The following GRIP1 variants were observed in gnomAD, a reference collection of about 807,000 sequenced individuals.
GRIP1 encodes the protein glutamate receptor interacting protein 1, also known as glutamate receptor-interacting protein 1.
Under a neutral mutation model 129.9 loss-of-function variants are expected in GRIP1, and 45 were observed. The observed-to-expected ratio is 0.35, with a 90% CI of 0.27 to 0.44. The LOEUF is 0.44. GRIP1 is among the 20% of genes least tolerant of loss of function. The pLI is 1.00. For missense variants in GRIP1, 1,196 were observed against 1,396.8 expected, an observed-to-expected ratio of 0.86 and a Z score of 2.29; for synonymous variants, 530 against 520.8, an observed-to-expected ratio of 1.02 and a Z score of -0.24.
At chr12:66,767,899 T>C (rs2037696176) in intron 1 of GRIP1, among the ~76,000 whole-genome samples, 1 of 152,216 alleles carries the variant, frequency 6.6e-6, no homozygotes, top group South Asian at 2.1e-4. Flanking sequence ...ACAACTCATT[T>C]GTAAGGTGCC....
intron 14 of GRIP1, among the ~76,000 whole-genome samples, chr12:66,421,985 A>G (rs2057817843): frequency 1.3e-5 from 2 of 152,194 alleles, no homozygotes; most frequent in Admixed American, 1.3e-4. Context: ...CATTTGTGAA[A>G]AACAATTTGC....
chr12:66,646,149 T>C (rs2032346926), intron 1 of GRIP1, among the ~76,000 whole-genome samples: 2 of 152,238 alleles, frequency 1.3e-5, no homozygotes, highest in Non-Finnish European at 2.9e-5. Flanking sequence ...TAAGTAGGAA[T>C]GGATAATAAT....
chr12:67,050,841 A>G (rs975240587), intron 1 of GRIP1, among the ~76,000 whole-genome samples: 6 of 152,146 alleles, frequency 3.9e-5, no homozygotes, highest in Admixed American at 2.0e-4. Context: ...GGCACAATGA[A>G]CTTTCATATA....
chr12:66,685,645 C>T (rs1005823658), intron 1 of GRIP1, among the ~76,000 whole-genome samples: 1 of 152,162 alleles, frequency 6.6e-6, no homozygotes, highest in African/African-American at 2.4e-5. Flanking sequence ...CCAACCCCAA[C>T]CATAAGGAGC....
chr12:66,937,687 G>A (rs1032712755), intron 1 of GRIP1, among the ~76,000 whole-genome samples: 2 of 152,142 alleles, frequency 1.3e-5, no homozygotes, highest in Non-Finnish European at 2.9e-5. Flanking sequence ...ATGATATTAT[G>A]GTGATAGGTA....
intron 4 of GRIP1, among the ~76,000 whole-genome samples, chr12:66,533,880 TAC>T (rs747153857): frequency 1.6e-5 from 2 of 128,658 alleles, no homozygotes; most frequent in Non-Finnish European, 3.5e-5. Context: ...CACACACACA[TAC>T]ACACACTCTC....
intron 1 of GRIP1, among the ~76,000 whole-genome samples, chr12:67,032,915 C>T (rs1390708328): frequency 6.6e-6 from 1 of 152,058 alleles, no homozygotes; most frequent in Non-Finnish European, 1.5e-5. Context: ...ATCATTTTAA[C>T]AGGTAACCAA....
At chr12:67,030,905 T>C (rs980625244) in intron 1 of GRIP1, among the ~76,000 whole-genome samples, 5 of 152,146 alleles carry the variant, frequency 3.3e-5, no homozygotes, top group Non-Finnish European at 5.9e-5. Context: ...AATTTCTTCC[T>C]GTCATTTTTT....
At position 66,996,026 on chromosome 12, in the gene GRIP1, C is replaced by T. The variant is rs533729913; in HGVS notation, c.58+73024G>A. 5.9e-5 allele frequency among the ~76,000 whole-genome samples: 9 copies of T among 151,964 alleles called. No individual in the cohort carries two copies. In the South Asian group the frequency reaches 1.9e-3, roughly 32 times the overall value. The stretch of plus-strand genomic sequence containing the variant: ...AAAAATGAAATAACACTAAGTGAAA[C>T]AAGCCAGTTAAAAAAGACCACATAT... On this transcript the variant is annotated intron_variant, in intron 1 of 1. Coordinates refer to the GRIP1 transcript ENST00000643019.
Position 66,371,708 on chromosome 12 carries a change from C to A in GRIP1, c.2998G>T (p.Val1000Leu). ...EIKEIMSPTP[V>L]ELHKVTLYKD... is the part of the protein sequence containing the mutation. ...AGCTTACTGACCTTGTGCAGCTCCACAGGAGTTGGAGACATGATCTCCTTT... is the reference window on the plus strand; with the variant it reads ...AGCTTACTGACCTTGTGCAGCTCCAAAGGAGTTGGAGACATGATCTCCTTT... Residue 1000 changes from valine to leucine, a missense_variant, in exon 23 of 25, where the codon GTG becomes TTG. By Grantham distance (32) the Val-to-Leu change is conservative (BLOSUM62 1). This residue lies in a region of GRIP1 where 427 missense variants were observed against 463.3 expected (regional missense o/e 0.92). Coordinates refer to ENST00000359742, the MANE Select transcript of GRIP1 (RefSeq NM_001366722.1). 1 of 1,605,444 alleles carries A rather than the reference C, an allele frequency of 6.2e-7. No individual in the cohort carries two copies. Among genetic ancestry groups the A allele is most frequent in the Non-Finnish European group, 8.5e-7 (1 of 1,172,050 alleles).
intron 1 of GRIP1, among the ~76,000 whole-genome samples, chr12:66,882,005 T>C (rs1180458084): frequency 6.6e-6 from 1 of 152,128 alleles, no homozygotes; most frequent in Non-Finnish European, 1.5e-5. Context: ...GATTTCACTT[T>C]TTCCTATCCC....
intron 7 of GRIP1, among the ~76,000 whole-genome samples, chr12:66,476,347 C>T (rs964947241): frequency 6.6e-6 from 1 of 152,154 alleles, no homozygotes; most frequent in Non-Finnish European, 1.5e-5. Flanking sequence ...AGACCAATAA[C>T]AGGCTCTGAA....
At chr12:66,863,540 T>C (rs970402272) in intron 1 of GRIP1, among the ~76,000 whole-genome samples, 5 of 151,986 alleles carry the variant, frequency 3.3e-5, no homozygotes, top group Admixed American at 6.6e-5. Flanking sequence ...TGCATTTATA[T>C]GGAGGAAGTG....
At chr12:66,433,655 C>T (rs1159917268) in intron 13 of GRIP1, among the ~76,000 whole-genome samples, 2 of 152,140 alleles carry the variant, frequency 1.3e-5, no homozygotes, top group Non-Finnish European at 2.9e-5. Flanking sequence ...GTCAGAAAGA[C>T]CTTTAATTAA....
In GRIP1 at chr12:66,348,117, A is replaced by G. The variant is rs1415808487; in HGVS notation, c.*902T>C. 1 of 152,210 alleles carries G rather than the reference A, an allele frequency of 6.6e-6. No individual in the cohort carries two copies. Among genetic ancestry groups the G allele is most frequent in the Non-Finnish European group, 1.5e-5 (1 of 68,034 alleles). 9.4% of individuals were successfully genotyped at this position (152,210 alleles called of 1,614,324 possible). On this transcript the variant is annotated 3_prime_UTR_variant, in exon 25 of 25. Transcript: ENST00000359742. ...AAAAGATAGTCCAGTGTCATTTTTAAGTACATGTGCTGTACACCCTCAATA... is the reference window on the plus strand; with the variant it reads ...AAAAGATAGTCCAGTGTCATTTTTAGGTACATGTGCTGTACACCCTCAATA...
At chr12:66,573,019 T>G (rs533865107) in intron 2 of GRIP1, among the ~76,000 whole-genome samples, 1 of 152,128 alleles carries the variant, frequency 6.6e-6, no homozygotes, top group African/African-American at 2.4e-5. Flanking sequence ...AGCTTCCAGA[T>G]GCATGTTGTT....
intron 1 of GRIP1, among the ~76,000 whole-genome samples, chr12:66,816,131 G>A (rs1167130740): frequency 2.0e-5 from 3 of 151,900 alleles, no homozygotes; most frequent in Admixed American, 6.6e-5. Flanking sequence ...AGATGTCATT[G>A]TCTTTTGGTC....
At chr12:66,639,654 C>T (rs2031746832) in intron 1 of GRIP1, among the ~76,000 whole-genome samples, 2 of 152,158 alleles carry the variant, frequency 1.3e-5, no homozygotes, top group Non-Finnish European at 2.9e-5. Flanking sequence ...TAAAATGTCC[C>T]TTTGAACTAT....
At position 66,595,127 on chromosome 12, in the gene GRIP1, A is replaced by C. The variant is rs190315123; in HGVS notation, c.136+1720T>G. 2.0e-5 allele frequency among the ~76,000 whole-genome samples: 3 copies of C among 152,344 alleles called. No homozygotes were observed. The East Asian group carries it at 5.8e-4, about 29-fold the overall frequency. On this transcript the variant is annotated intron_variant, in intron 2 of 24. Coordinates refer to ENST00000359742, the MANE Select transcript of GRIP1 (RefSeq NM_001366722.1). ...GGCCCCTACCTTAAGAGAGATGAAC[A>C]AAAAGGGTTCTATCAATGGTCAAGC...
Sources: gnomAD v4.1 joint callset for allele counts (sites outside exome capture counted in the v4.1 genomes callset) on GRCh38, gnomAD v4.1.1 for gene constraint, gnomAD v4.1.1 regional missense constraint, MANE v1.5 for transcripts, NCBI Gene and HGNC (gene_info 2026-07-23, HGNC 2026-07-21) for gene names.